Variants in ANKFN1 observed in about 807,000 individuals in gnomAD.
ANKFN1 encodes ankyrin repeat and fibronectin type-III domain-containing protein 1.
ANKFN1 carries 74 observed loss-of-function variants against 108.7 expected under a neutral mutation model. The observed-to-expected ratio is 0.68, with a 90% CI of 0.56 to 0.83. The LOEUF is 0.83. ANKFN1 is among the 40% of genes least tolerant of loss of function. ANKFN1 has a pLI of 0.00. For synonymous variants in ANKFN1, 547 were observed against 516.2 expected (o/e 1.06, Z -0.81); for missense variants, 1,505 against 1,382.3 (o/e 1.09, Z -1.41).
At chr17:56,348,374 T>C (rs1188165561) in intron 4 of ANKFN1, among the ~76,000 whole-genome samples, 2 of 152,000 alleles carry the variant, frequency 1.3e-5, no homozygotes, top group Non-Finnish European at 2.9e-5. Flanking sequence ...TAGGACCACC[T>C]TAAAAGGATC....
At chr17:56,267,141 A>G (rs1395925352) in intron 3 of ANKFN1, among the ~76,000 whole-genome samples, 1 of 152,132 alleles carries the variant, frequency 6.6e-6, no homozygotes. Context: ...AAGTCAGAAC[A>G]TGTGGTATTT....
chr17:56,149,026 A>T (rs1359539005), upstream of ANKFN1, among the ~76,000 whole-genome samples: 1 of 152,184 alleles, frequency 6.6e-6, no homozygotes, highest in Non-Finnish European at 1.5e-5. Flanking sequence ...ACGGGGAGCA[A>T]ATGGCAGAGT....
Position 56,354,021 on chromosome 17 carries a change from G to A in ANKFN1, c.576G>A (p.Arg192=), listed in dbSNP as rs2046314150. 6.2e-7 allele frequency: 1 copy of A among 1,613,898 alleles called. No homozygotes were observed. The highest frequency in any genetic ancestry group is 2.2e-5 in the East Asian group (1 of 44,832). ...TGCCCATTGCAAGGATTCTTCTGAG[G>A]ACAGGGGCCCGAGAAAGTCCACACT... is the stretch of plus-strand genomic sequence containing the variant. ...NNVPIARILL[R]TGARESPHFV... is the part of the protein sequence containing the mutation. The change falls in exon 6 of 21, where the codon AGG becomes AGA. Residue 192 remains arginine (R), a synonymous_variant. Coordinates refer to ENST00000682825, the MANE Select transcript of ANKFN1 (RefSeq NM_001370326.1).
intron 1 of ANKFN1, among the ~76,000 whole-genome samples, chr17:56,170,807 T>TATATATATACACACACAC (rs1361307404): frequency 4.7e-4 from 29 of 61,444 alleles, no homozygotes; most frequent in African/African-American, 1.7e-3. Context: ...TATATATATA[T>TATATATATACACACACAC]ACACACACAC....
At chr17:56,099,386 C>T (rs1202742430) in intron 4 of ANKFN1, among the ~76,000 whole-genome samples, 1 of 152,172 alleles carries the variant, frequency 6.6e-6, no homozygotes, top group Non-Finnish European at 1.5e-5. Context: ...TTGGTACTAT[C>T]TTAGAATTCC....
intron 3 of ANKFN1, among the ~76,000 whole-genome samples, chr17:56,292,941 A>G (rs2044404279): frequency 6.6e-6 from 1 of 152,208 alleles, no homozygotes; most frequent in South Asian, 2.1e-4. Flanking sequence ...AACTATCACC[A>G]GTGAAGCATC....
intron 8 of ANKFN1, among the ~76,000 whole-genome samples, chr17:56,436,843 A>G (rs1285930462): frequency 6.6e-6 from 1 of 151,870 alleles, no homozygotes; most frequent in Non-Finnish European, 1.5e-5. Context: ...ATCTCAAAAA[A>G]AAAAAAAAAA....
Position 56,271,589 on chromosome 17 carries a change from G to A in ANKFN1, c.53+43632G>A, listed in dbSNP as rs147617189. Reference sequence around the variant, plus strand: ...TTTCTGTCTTGGATAAGGTAGTATCGATGCATTGCTCTCAAGTATTTGGCC... The same window carrying A: ...TTTCTGTCTTGGATAAGGTAGTATCAATGCATTGCTCTCAAGTATTTGGCC... On this transcript the variant is annotated intron_variant, in intron 3 of 20. Coordinates refer to ENST00000682825, the MANE Select transcript of ANKFN1 (RefSeq NM_001370326.1). Among the ~76,000 whole-genome samples, 136 of 152,288 alleles carry A rather than the reference G, an allele frequency of 8.9e-4. 1 individual carries two copies. The highest frequency in any genetic ancestry group is 2.9e-3 in the African/African-American group (121 of 41,582).
Position 56,170,774 on chromosome 17 carries a change from TTATATATATATATATATA to T in ANKFN1, c.-71+17261_-71+17278del, listed in dbSNP as rs60304505. On this transcript the variant is annotated intron_variant, in intron 1 of 20. Transcript: ENST00000682825. ...TGAGACTCTGTCAAGAAAAAATTTT[TTATATATATATATATATA>T]TATATATATATATATACACACACAC... Among the ~76,000 whole-genome samples the T allele has an allele frequency of 5.6e-4, 38 of 68,108 alleles. 3 individuals are homozygous for T. Among genetic ancestry groups the T allele is most frequent in the Middle Eastern group, 0.019 (2 of 104 alleles). 44.7% of individuals were successfully genotyped at this position (68,108 alleles called of 152,430 possible). A position where few individuals can be genotyped will look rare whatever the true frequency, so the allele number is the denominator to read the frequency against.
intron 8 of ANKFN1, among the ~76,000 whole-genome samples, chr17:56,383,987 C>G (rs1276790750): frequency 6.6e-6 from 1 of 152,202 alleles, no homozygotes; most frequent in Non-Finnish European, 1.5e-5. Context: ...ATGAGGCCAG[C>G]ATCATCCTGA....
intron 1 of ANKFN1, among the ~76,000 whole-genome samples, chr17:56,195,007 C>T (rs1047885073): frequency 2.0e-5 from 3 of 152,114 alleles, no homozygotes; most frequent in African/African-American, 7.2e-5. Context: ...GTTTCATGAA[C>T]GAAAGAGGGG....
chr17:56,229,577 A>T (rs997081964), intron 3 of ANKFN1, among the ~76,000 whole-genome samples: 2 of 147,418 alleles, frequency 1.4e-5, no homozygotes, highest in South Asian at 4.4e-4. Context: ...TTAAGTCACT[A>T]TATGTAAATT....
At chr17:56,509,101 T>G (rs984131662) in intron 20 of ANKFN1, among the ~76,000 whole-genome samples, 1 of 152,202 alleles carries the variant, frequency 6.6e-6, no homozygotes, top group African/African-American at 2.4e-5. Context: ...TTAAAGAACA[T>G]ATAAATTTAT....
At chr17:56,264,907 G>C (rs527537895) in intron 3 of ANKFN1, among the ~76,000 whole-genome samples, 1 of 150,396 alleles carries the variant, frequency 6.6e-6, no homozygotes, top group South Asian at 2.1e-4. Context: ...TCTTTTTTTT[G>C]GCATAAACAG....
chr17:56,061,415 G>A (rs941153479), intron 4 of ANKFN1, among the ~76,000 whole-genome samples: 4 of 151,716 alleles, frequency 2.6e-5, no homozygotes, highest in African/African-American at 4.8e-5. Flanking sequence ...GGGATTACAG[G>A]TGCCTGCCAC....
intron 14 of ANKFN1, among the ~76,000 whole-genome samples, chr17:56,459,263 A>T (rs1327181443): frequency 3.3e-5 from 5 of 151,976 alleles, no homozygotes; most frequent in African/African-American, 1.2e-4. Flanking sequence ...GGCACCCACT[A>T]CCACACCCGG....
intron 2 of ANKFN1, among the ~76,000 whole-genome samples, chr17:56,223,525 C>CA (rs1396987911): frequency 7.2e-5 from 11 of 151,988 alleles, no homozygotes; most frequent in African/African-American, 2.7e-4. Context: ...TAGGAAAAAA[C>CA]AAAAAACAGC....
At chr17:56,323,988 G>A (rs915154625) in intron 3 of ANKFN1, among the ~76,000 whole-genome samples, 3 of 152,204 alleles carry the variant, frequency 2.0e-5, no homozygotes, top group African/African-American at 4.8e-5. Context: ...ATATCTCTGA[G>A]AGTTGATGTT....
Position 56,046,509 on chromosome 17 carries a change from A to G in ANKFN1, c.288+184A>G, listed in dbSNP as rs576166538. 2.2e-4 allele frequency among the ~76,000 whole-genome samples: 33 copies of G among 151,750 alleles called. 1 individual carries two copies. The highest frequency in any genetic ancestry group is 7.8e-4 in the African/African-American group (32 of 41,130). On this transcript the variant is annotated intron_variant, in intron 4 of 12. Transcript: ENST00000635860. Reference sequence around the variant, plus strand: ...CCACACGCACTTGCATTTTCTCTGCAGATTATAAAAAAAAAATCAGCAGGT... The same window carrying G: ...CCACACGCACTTGCATTTTCTCTGCGGATTATAAAAAAAAAATCAGCAGGT...
Sources: allele counts gnomAD v4.1 joint callset (sites outside exome capture counted in the v4.1 genomes callset), GRCh38; gene constraint gnomAD v4.1.1; transcripts MANE v1.5; gene names NCBI Gene and HGNC (gene_info 2026-07-23, HGNC 2026-07-21).